NOLC1: variants seen among roughly 807,000 people sequenced by gnomAD.
The protein encoded by NOLC1 is nucleolar and coiled-body phosphoprotein 1, also known as 140 kDa nucleolar phosphoprotein.
Under a neutral mutation model 73.4 loss-of-function variants are expected in NOLC1, and 37 were observed. The observed-to-expected ratio is 0.50, with a 90% CI of 0.39 to 0.66. The LOEUF is 0.66. NOLC1 is among the 30% of genes least tolerant of loss of function. The probability of loss-of-function intolerance (pLI) is 0.00; values close to 1 mark genes in which losing one functional copy is unlikely to be tolerated. For missense variants in NOLC1, 921 were observed against 838.9 expected, an observed-to-expected ratio of 1.10 and a Z score of -1.21; for synonymous variants, 327 against 302.6, an observed-to-expected ratio of 1.08 and a Z score of -0.84.
chr10:102,152,612 G>C (rs945441194), intron 1 of NOLC1, 82 bp downstream of exon 1: 2 of 1,577,968 alleles, frequency 1.3e-6, no homozygotes, highest in Non-Finnish European at 1.7e-6. Context: ...TTCCAGGTGG[G>C]GAAGTCTGGG....
Position 102,159,430 on chromosome 10 carries a change from C to T in NOLC1, c.724-3C>T, listed in dbSNP as rs778744872. Reference sequence around the variant, plus strand: ...GTGGTAATCAATTTTCTTTCTAATGCAGACTGTACCTAAAAAGCAAGTTGT... The same window carrying T: ...GTGGTAATCAATTTTCTTTCTAATGTAGACTGTACCTAAAAAGCAAGTTGT... On this transcript the variant is annotated splice_polypyrimidine_tract_variant and splice_region_variant and intron_variant, in intron 6 of 12. Transcript: ENST00000605788. The T allele has an allele frequency of 2.5e-6, 4 of 1,613,958 alleles. No homozygotes were observed. The Admixed American group carries it at 6.7e-5, about 27-fold the overall frequency.
At chr10:102,156,629 T>C (rs1009067194) in intron 1 of NOLC1, among the ~76,000 whole-genome samples, 24 of 151,750 alleles carry the variant, frequency 1.6e-4, no homozygotes, top group African/African-American at 5.8e-4. Context: ...GAGATGGGGT[T>C]TCACCATGTT....
At chr10:102,152,759 C>T (rs1053177801) in intron 1 of NOLC1, among the ~76,000 whole-genome samples, 1 of 152,204 alleles carries the variant, frequency 6.6e-6, no homozygotes, top group Non-Finnish European at 1.5e-5. Context: ...TTTCTTGTGA[C>T]CTGTGCAGCG....
Position 102,157,452 on chromosome 10 carries a change from G to A in NOLC1, c.338G>A (p.Gly113Asp). Residue 113 changes from glycine to aspartate, a missense_variant, in exon 4 of 13, where the codon GGT (glycine) becomes GAT (aspartate). Gly to Asp is a moderately conservative substitution (Grantham distance 94). Coordinates refer to ENST00000605788, the MANE Select transcript of NOLC1 (RefSeq NM_004741.5). ...KKAAVPAKRVGLPPGKAAAKA... is the reference protein window; with the variant it reads ...KKAAVPAKRVDLPPGKAAAKA... ...TCAGCTGTACCTGCCAAGCGAGTCG[G>A]TCTGCCTCCTGGGAAGGCTGCAGCC... 3 of 1,614,198 alleles carry A rather than the reference G, an allele frequency of 1.9e-6. No homozygotes were observed. The highest frequency in any genetic ancestry group is 2.5e-6 in the Non-Finnish European group (3 of 1,180,036).
chr10:102,156,429 A>ATT (rs549384519), intron 1 of NOLC1, among the ~76,000 whole-genome samples: 32 of 140,914 alleles, frequency 2.3e-4, no homozygotes, highest in Non-Finnish European at 6.3e-5. Context: ...GTCAAAAGTG[A>ATT]TTTTTTTTTT....
intron 1 of NOLC1, among the ~76,000 whole-genome samples, chr10:102,153,555 C>G (rs765955239): frequency 3.3e-5 from 5 of 152,142 alleles, no homozygotes; most frequent in Non-Finnish European, 4.4e-5. Flanking sequence ...CTGGGACAGG[C>G]TGCCATGTGA....
At chr10:102,155,022 ATTTTTTTT>A (rs34034390) in intron 1 of NOLC1, among the ~76,000 whole-genome samples, 1 of 131,250 alleles carries the variant, frequency 7.6e-6, no homozygotes, top group Non-Finnish European at 1.6e-5. Context: ...CACCTGGCTA[ATTTTTTTT>A]TTTTTTTTTT....
intron 10 of NOLC1, 23 bp downstream of exon 10, chr10:102,161,116 C>T (rs540995212): frequency 4.0e-5 from 63 of 1,570,888 alleles, no homozygotes; most frequent in Non-Finnish European, 5.1e-5. Flanking sequence ...TGAACATGCC[C>T]TCTGGGTTTT....
chr10:102,154,883 TCTCA>T (rs1432783251), intron 1 of NOLC1, among the ~76,000 whole-genome samples: 1 of 151,704 alleles, frequency 6.6e-6, no homozygotes, highest in African/African-American at 2.4e-5. Flanking sequence ...TTTTAGAGGG[TCTCA>T]CTCTGTCGCC....
chr10:102,152,726 A>G (rs566995293), intron 1 of NOLC1, among the ~76,000 whole-genome samples, 196 bp downstream of exon 1: 92 of 152,300 alleles, frequency 6.0e-4, no homozygotes, highest in African/African-American at 2.2e-3. Context: ...GTCTGAGTAG[A>G]TATCGCTGAG....
chr10:102,160,672 G>A lies in NOLC1; in HGVS notation c.1320G>A (p.Lys440=), dbSNP rs2069690010. The A allele has an allele frequency of 6.2e-7, 1 of 1,614,206 alleles. No homozygotes were observed. The highest frequency in any genetic ancestry group is 2.2e-5 in the East Asian group (1 of 44,882). ...SSSSEEEKTK[K]MVATTKPKAT... The stretch of plus-strand genomic sequence containing the variant: ...CCAGTGAGGAGGAGAAGACAAAGAA[G>A]ATGGTGGCCACCACTAAGCCCAAGG... Residue 440 remains lysine (K), a synonymous_variant, in exon 10 of 13, where the codon AAG becomes AAA. Coordinates refer to ENST00000605788, the MANE Select transcript of NOLC1 (RefSeq NM_004741.5).
Position 102,162,327 on chromosome 10 carries a change from G to T in NOLC1, c.*58G>T. ...GATCGGAGACTACTTACTTTCTCCAGTGGACCTGGGAACCCTCAGGTCTCT... is the reference window on the plus strand; with the variant it reads ...GATCGGAGACTACTTACTTTCTCCATTGGACCTGGGAACCCTCAGGTCTCT... On this transcript the variant is annotated 3_prime_UTR_variant, in exon 13 of 13. Coordinates refer to ENST00000605788, the MANE Select transcript of NOLC1 (RefSeq NM_004741.5). The T allele has an allele frequency of 1.9e-6, 3 of 1,578,324 alleles. No homozygotes were observed. Among genetic ancestry groups the T allele is most frequent in the African/African-American group, 2.7e-5 (2 of 74,306 alleles).
intron 1 of NOLC1, among the ~76,000 whole-genome samples, 179 bp downstream of exon 1, chr10:102,152,709 C>T (rs954073258): frequency 3.9e-5 from 6 of 152,264 alleles, no homozygotes; most frequent in Non-Finnish European, 7.3e-5. Context: ...CGCTTACCTT[C>T]CTCCATGTCT....
Position 102,160,518 on chromosome 10 carries a change from A to G in NOLC1, c.1166A>G (p.Asn389Ser). ...GCTGGTACCACCAAGAATTCTTCAA[A>G]TAAGCCAGCTGTCACCACCAAGTCA... ...KPAGTTKNSSNKPAVTTKSPA... is the reference protein window; with the variant it reads ...KPAGTTKNSSSKPAVTTKSPA... Residue 389 changes from asparagine to serine, a missense_variant, in exon 10 of 13, where the codon AAT (asparagine) becomes AGT (serine). Transcript: ENST00000605788. 2 of 1,614,220 alleles carry G rather than the reference A, an allele frequency of 1.2e-6. No individual in the cohort carries two copies. The highest frequency in any genetic ancestry group is 2.2e-5 in the South Asian group (2 of 91,084).
In NOLC1 at chr10:102,160,433, C is replaced by T. The variant is rs777388457; in HGVS notation, c.1100-19C>T. 6.2e-7 allele frequency: 1 copy of T among 1,612,010 alleles called. No homozygotes were observed. Among genetic ancestry groups the T allele is most frequent in the Non-Finnish European group, 8.5e-7 (1 of 1,179,080 alleles). ...AATCCAATTTGGGGAGCTGTTGATT[C>T]CATCCCTTCTGTGTCTAGACTCTGA... On this transcript the variant is annotated intron_variant, in intron 9 of 12. Transcript: ENST00000605788.
Position 102,160,687 on chromosome 10 carries a change from T to C in NOLC1, c.1335T>C (p.Thr445=). Residue 445 remains threonine (T), a synonymous_variant, in exon 10 of 13, where the codon ACT becomes ACC. Coordinates refer to ENST00000605788, the MANE Select transcript of NOLC1 (RefSeq NM_004741.5). ...AGACAAAGAAGATGGTGGCCACCAC[T>C]AAGCCCAAGGCGACTGCCAAAGCAG... ...EEKTKKMVAT[T]KPKATAKAAL... is the part of the protein sequence containing the mutation. The C allele has an allele frequency of 6.2e-7, 1 of 1,613,998 alleles. No individual in the cohort carries two copies. Among genetic ancestry groups the C allele is most frequent in the Non-Finnish European group, 8.5e-7 (1 of 1,179,928 alleles).
rs2069679581 is a variant in NOLC1, at chr10:102,160,354, T to C, written c.1099+11T>C. 3 of 1,613,882 alleles carry C rather than the reference T, an allele frequency of 1.9e-6. No homozygotes were observed. The highest frequency in any genetic ancestry group is 2.5e-6 in the Non-Finnish European group (3 of 1,179,756). On this transcript the variant is annotated intron_variant, in intron 9 of 12. Coordinates refer to ENST00000605788, the MANE Select transcript of NOLC1 (RefSeq NM_004741.5). Reference sequence around the variant, plus strand: ...CTTCAGACAGCTCAGGTAAGGCATATGGAGGCCCTCAGTTCAGTGAGATGC... The same window carrying C: ...CTTCAGACAGCTCAGGTAAGGCATACGGAGGCCCTCAGTTCAGTGAGATGC...
At chr10:102,158,472 A>G (rs1303208282) in intron 5 of NOLC1, among the ~76,000 whole-genome samples, 1 of 152,196 alleles carries the variant, frequency 6.6e-6, no homozygotes, top group Non-Finnish European at 1.5e-5. Context: ...GTGACATTTC[A>G]TAGACATTTT....
intron 1 of NOLC1, 51 bp downstream of exon 1, chr10:102,152,581 C>T (rs1384440734): frequency 3.1e-6 from 5 of 1,609,468 alleles, no homozygotes; most frequent in Admixed American, 1.7e-5. Context: ...CACAAGGCTT[C>T]AGGCCCTGAC....
Sources: gnomAD v4.1 joint callset for allele counts (sites outside exome capture counted in the v4.1 genomes callset) on GRCh38, gnomAD v4.1.1 for gene constraint, MANE v1.5 for transcripts, NCBI Gene and HGNC (gene_info 2026-07-23, HGNC 2026-07-21) for gene names.